Variants in PLXDC2 observed in about 807,000 individuals in gnomAD.
The protein encoded by PLXDC2 is plexin domain containing 2, also known as plexin domain-containing protein 2.
Under a neutral mutation model 68.9 loss-of-function variants are expected in PLXDC2, and 40 were observed. The ratio of observed to expected loss-of-function variants is 0.58; its 90% CI spans 0.45 to 0.76. The LOEUF is 0.76. PLXDC2 is among the 30% of genes least tolerant of loss of function. The pLI is 0.00. For missense variants in PLXDC2, 644 were observed against 661.9 expected (o/e 0.97, Z 0.30); for synonymous variants, 243 against 234.2 (o/e 1.04, Z -0.34).
chr10:20,136,171 A>C (rs983937824), intron 4 of PLXDC2, among the ~76,000 whole-genome samples: 1 of 152,206 alleles, frequency 6.6e-6, no homozygotes, highest in African/African-American at 2.4e-5. Flanking sequence ...ATACAAGCCG[A>C]TATCCTCATA....
At chr10:20,247,288 C>T (rs1174184634) in intron 13 of PLXDC2, among the ~76,000 whole-genome samples, 3 of 129,636 alleles carry the variant, frequency 2.3e-5, no homozygotes, top group Non-Finnish European at 4.7e-5. Context: ...GGTGAAACTT[C>T]ATCTCTACAA....
intron 4 of PLXDC2, among the ~76,000 whole-genome samples, chr10:20,141,360 C>T (rs941558721): frequency 1.3e-5 from 2 of 152,026 alleles, no homozygotes; most frequent in African/African-American, 2.4e-5. Flanking sequence ...CAGTGTATTT[C>T]TAGGGATTGC....
intron 4 of PLXDC2, among the ~76,000 whole-genome samples, chr10:20,123,932 T>C (rs929432632): frequency 3.3e-5 from 5 of 151,220 alleles, no homozygotes; most frequent in Non-Finnish European, 5.9e-5. Context: ...TATAAGGGGT[T>C]GGGGTAATTA....
chr10:20,008,244 G>T (rs1353541845), intron 2 of PLXDC2, among the ~76,000 whole-genome samples: 1 of 152,146 alleles, frequency 6.6e-6, no homozygotes, highest in Non-Finnish European at 1.5e-5. Context: ...TAAGTCACCA[G>T]AAAATACTTA....
At chr10:20,254,087 G>A (rs1408624670) in intron 13 of PLXDC2, among the ~76,000 whole-genome samples, 1 of 152,052 alleles carries the variant, frequency 6.6e-6, no homozygotes, top group African/African-American at 2.4e-5. Flanking sequence ...TCCTCACCCC[G>A]GCCCTATAGC....
chr10:19,817,093 C>T lies in PLXDC2; in HGVS notation c.14C>T (p.Pro5Leu), dbSNP rs760347802. The change falls in exon 1 of 14, where the codon CCG (proline) becomes CTG (leucine). Residue 5 changes from proline to leucine, a missense_variant. Pro to Leu is a moderately conservative substitution (Grantham distance 98). Transcript: ENST00000377252. ...GGCGGCGGCGGCATGGCGAGGTTCC[C>T]GAAGGCCGACCTGGCCGCTGCAGGA... MARF[P>L]KADLAAAGVM... is the part of the protein sequence containing the mutation. 1 of 1,555,314 alleles carries T rather than the reference C, an allele frequency of 6.4e-7. No homozygotes were observed.
rs544003458 is a variant in PLXDC2, at chr10:19,989,473, GAT to G, written c.113-12299_113-12298del. Reference sequence around the variant, plus strand: ...TAATATATAGCCAATAACATGGAAAGATATTTATTATGTGGTGCTGAAATCAA... The same window carrying G: ...TAATATATAGCCAATAACATGGAAAGATTTATTATGTGGTGCTGAAATCAA... On this transcript the variant is annotated intron_variant, in intron 1 of 13. Coordinates refer to ENST00000377252, the MANE Select transcript of PLXDC2 (RefSeq NM_032812.9). Among the ~76,000 whole-genome samples, 254 of 152,194 alleles carry G rather than the reference GAT, an allele frequency of 1.7e-3. 1 individual carries two copies. Among genetic ancestry groups the G allele is most frequent in the African/African-American group, 5.7e-3 (236 of 41,522 alleles).
At chr10:20,240,912 T>C (rs1206205260) in intron 12 of PLXDC2, among the ~76,000 whole-genome samples, 1 of 152,186 alleles carries the variant, frequency 6.6e-6, no homozygotes, top group Non-Finnish European at 1.5e-5. Context: ...ACTTGCTCTG[T>C]TAGAACACAT....
intron 9 of PLXDC2, among the ~76,000 whole-genome samples, chr10:20,208,262 A>G (rs1448149779): frequency 8.5e-5 from 13 of 152,202 alleles, no homozygotes; most frequent in Admixed American, 7.9e-4. Context: ...ACAATTTCCC[A>G]TGGCTAGGGA....
chr10:19,829,314 C>T (rs552863704), intron 1 of PLXDC2, among the ~76,000 whole-genome samples: 2 of 152,142 alleles, frequency 1.3e-5, no homozygotes, highest in African/African-American at 4.8e-5. Flanking sequence ...TCCCTAGCTC[C>T]AAGCATAGGA....
intron 4 of PLXDC2, among the ~76,000 whole-genome samples, chr10:20,133,104 C>A (rs914689469): frequency 7.9e-5 from 12 of 152,118 alleles, no homozygotes; most frequent in Non-Finnish European, 1.6e-4. Context: ...TACACTTTAA[C>A]TTGTCTTCTC....
intron 4 of PLXDC2, among the ~76,000 whole-genome samples, chr10:20,090,789 C>A (rs1435477747): frequency 6.6e-6 from 1 of 151,952 alleles, no homozygotes; most frequent in Non-Finnish European, 1.5e-5. Context: ...AAATAATTAC[C>A]CCACAAAATA....
At position 20,176,994 on chromosome 10, in the gene PLXDC2, T is replaced by G. The variant is rs200998843; in HGVS notation, c.884-5T>G. 45 of 1,581,748 alleles carry G rather than the reference T, an allele frequency of 2.8e-5. No homozygotes were observed. In the Admixed American group the frequency reaches 8.0e-4, roughly 28 times the overall value. ...AAAATTGATTTTTTTTCCTTTTTTT[T>G]CTAGATGTTCGAAGAAGAACAATTT... is the stretch of plus-strand genomic sequence containing the variant. On this transcript the variant is annotated splice_polypyrimidine_tract_variant and splice_region_variant and intron_variant, in intron 7 of 13. Coordinates refer to ENST00000377252, the MANE Select transcript of PLXDC2 (RefSeq NM_032812.9).
chr10:20,030,633 G>A (rs965793298), intron 2 of PLXDC2, among the ~76,000 whole-genome samples: 2 of 152,150 alleles, frequency 1.3e-5, no homozygotes, highest in Admixed American at 6.5e-5. Flanking sequence ...GTCTGTTTAT[G>A]TAAATAAAGG....
intron 1 of PLXDC2, among the ~76,000 whole-genome samples, chr10:19,834,357 GTGTGTGTGTC>G (rs1210903012): frequency 6.6e-6 from 1 of 151,554 alleles, no homozygotes; most frequent in African/African-American, 2.4e-5. Context: ...GAGAGAGAGT[GTGTGTGTGTC>G]TGTGTGTGTC....
At chr10:20,024,253 C>T (rs1267934204) in intron 2 of PLXDC2, among the ~76,000 whole-genome samples, 2 of 152,104 alleles carry the variant, frequency 1.3e-5, no homozygotes. Context: ...ATAAGGGAAC[C>T]AAATATGTGT....
At chr10:19,886,262 A>G (rs891283901) in intron 1 of PLXDC2, among the ~76,000 whole-genome samples, 6 of 152,120 alleles carry the variant, frequency 3.9e-5, no homozygotes, top group African/African-American at 1.2e-4. Context: ...GGGCTGAGAC[A>G]ATGGGGTTTT....
intron 4 of PLXDC2, among the ~76,000 whole-genome samples, chr10:20,119,537 G>C (rs12415775): frequency 0.13 from 16,502 of 123,838 alleles, 1,871 homozygotes; most frequent in East Asian, 0.36. Context: ...CAGGAACCGG[G>C]GATCTGGATG....
chr10:19,877,526 C>T (rs992968720), intron 1 of PLXDC2, among the ~76,000 whole-genome samples: 2 of 152,148 alleles, frequency 1.3e-5, no homozygotes, highest in African/African-American at 4.8e-5. Flanking sequence ...ATGATGTGTG[C>T]AAAATCTCTC....
Sources: gnomAD v4.1 joint callset for allele counts (sites outside exome capture counted in the v4.1 genomes callset) on GRCh38, gnomAD v4.1.1 for gene constraint, MANE v1.5 for transcripts, NCBI Gene and HGNC (gene_info 2026-07-23, HGNC 2026-07-21) for gene names.